The following MBD5 variants were observed in gnomAD, a reference collection of about 807,000 sequenced individuals.
The protein encoded by MBD5 is methyl-CpG-binding domain protein 5.
A neutral mutation model predicts 117.3 loss-of-function variants in MBD5; 13 were observed. The ratio of observed to expected loss-of-function variants is 0.11; its 90% CI spans 0.07 to 0.18. MBD5 has a LOEUF of 0.18. MBD5 is among the 10% of genes least tolerant of loss of function. The pLI is 1.00. For missense variants in MBD5, 1,879 were observed against 2,093.8 expected (o/e 0.90, Z 2.00); for synonymous variants, 727 against 766.4 (o/e 0.95, Z 0.85).
intron 2 of MBD5, among the ~76,000 whole-genome samples, chr2:148,186,694 G>A (rs1346762425): frequency 2.6e-5 from 4 of 152,130 alleles, no homozygotes; most frequent in Non-Finnish European, 5.9e-5. Context: ...GAATAGACAC[G>A]AAGAGCCAGA....
intron 4 of MBD5, among the ~76,000 whole-genome samples, chr2:148,403,169 C>G (rs1704973605): frequency 7.3e-6 from 1 of 137,780 alleles, no homozygotes; most frequent in Non-Finnish European, 1.5e-5. Flanking sequence ...ATTATAATAA[C>G]TATATTAATG....
chr2:148,445,213 T>C (rs1181621722), intron 4 of MBD5, among the ~76,000 whole-genome samples: 1 of 151,310 alleles, frequency 6.6e-6, no homozygotes, highest in African/African-American at 2.5e-5. Context: ...TGTATACATG[T>C]GCCATGTTGG....
intron 2 of MBD5, among the ~76,000 whole-genome samples, chr2:148,213,165 T>A (rs886937478): frequency 6.6e-6 from 1 of 152,194 alleles, no homozygotes; most frequent in African/African-American, 2.4e-5. Context: ...GAAAAAATAA[T>A]GATGAACAAG....
At chr2:148,403,760 G>A (rs987104729) in intron 4 of MBD5, among the ~76,000 whole-genome samples, 1 of 152,006 alleles carries the variant, frequency 6.6e-6, no homozygotes, top group Admixed American at 6.6e-5. Context: ...CTGTATGTGT[G>A]TGTATTTCGT....
At chr2:148,363,662 G>T (rs1020296245) in intron 4 of MBD5, among the ~76,000 whole-genome samples, 1 of 152,090 alleles carries the variant, frequency 6.6e-6, no homozygotes, top group South Asian at 2.1e-4. Flanking sequence ...ATACCTGATG[G>T]AGCTGAAAAA....
intron 3 of MBD5, among the ~76,000 whole-genome samples, chr2:148,304,788 C>T (rs190988347): frequency 2.0e-5 from 3 of 152,112 alleles, no homozygotes; most frequent in South Asian, 2.1e-4. Context: ...GCACGCCGGG[C>T]GCGGTGGCTC....
chr2:148,235,662 G>A lies in MBD5; in HGVS notation c.-680+2267G>A, dbSNP rs73011289. Among the ~76,000 whole-genome samples the A allele has an allele frequency of 5.6e-3, 856 of 152,240 alleles. 11 individuals carry two copies. Among genetic ancestry groups the A allele is most frequent in the African/African-American group, 0.02 (827 of 41,558 alleles). ...GTTCCAGACTACCACAATAAAGCAAGCCATACATTTTTTTCCCAGTGCATA... is the reference window on the plus strand; with the variant it reads ...GTTCCAGACTACCACAATAAAGCAAACCATACATTTTTTTCCCAGTGCATA... On this transcript the variant is annotated intron_variant, in intron 3 of 13. Transcript: ENST00000642680.
At chr2:148,197,673 C>T (rs1020397469) in intron 2 of MBD5, among the ~76,000 whole-genome samples, 10 of 152,114 alleles carry the variant, frequency 6.6e-5, no homozygotes, top group African/African-American at 2.2e-4. Context: ...TTCTTCTGTG[C>T]TTGAACATTT....
At chr2:148,305,198 A>G (rs1427331474) in intron 3 of MBD5, among the ~76,000 whole-genome samples, 1 of 152,224 alleles carries the variant, frequency 6.6e-6, no homozygotes, top group Non-Finnish European at 1.5e-5. Flanking sequence ...TAGACTAAGG[A>G]TGGAGCCCAA....
chr2:148,345,352 CACATATACACATAT>C (rs1474639781), intron 4 of MBD5, among the ~76,000 whole-genome samples: 2 of 145,502 alleles, frequency 1.4e-5, no homozygotes, highest in Non-Finnish European at 3.0e-5. Flanking sequence ...TATACATATA[CACATATACACATAT>C]ACATATACAC....
chr2:148,273,883 G>T (rs1323962198), intron 3 of MBD5, among the ~76,000 whole-genome samples: 2 of 152,154 alleles, frequency 1.3e-5, no homozygotes, highest in Admixed American at 6.6e-5. Flanking sequence ...ATTTTCCTGT[G>T]TCCCTTATTG....
At chr2:148,398,463 T>C (rs961374757) in intron 4 of MBD5, among the ~76,000 whole-genome samples, 4 of 152,196 alleles carry the variant, frequency 2.6e-5, no homozygotes, top group African/African-American at 4.8e-5. Context: ...TTGAGAAGTG[T>C]CTGTTCATAT....
intron 2 of MBD5, among the ~76,000 whole-genome samples, chr2:148,222,623 T>C (rs1699718133): frequency 6.6e-6 from 1 of 152,064 alleles, no homozygotes; most frequent in Non-Finnish European, 1.5e-5. Context: ...GCAACTTTAC[T>C]AAATTTGTTT....
intron 1 of MBD5, among the ~76,000 whole-genome samples, chr2:148,083,995 C>G (rs1695715699): frequency 6.6e-6 from 1 of 152,136 alleles, no homozygotes; most frequent in Admixed American, 6.5e-5. Flanking sequence ...TTCACATTTT[C>G]AATACCAGAA....
intron 3 of MBD5, among the ~76,000 whole-genome samples, chr2:148,338,638 G>T (rs772772051): frequency 1.3e-5 from 2 of 152,168 alleles, no homozygotes; most frequent in Admixed American, 1.3e-4. Flanking sequence ...AGGGAAAGCA[G>T]AGATCATCAT....
At chr2:148,087,006 A>G (rs1695812591) in intron 1 of MBD5, among the ~76,000 whole-genome samples, 1 of 152,210 alleles carries the variant, frequency 6.6e-6, no homozygotes, top group African/African-American at 2.4e-5. Flanking sequence ...AGTTATTAAA[A>G]AAAACTGAGG....
At chr2:148,275,894 T>A (rs1212990689) in intron 3 of MBD5, among the ~76,000 whole-genome samples, 1 of 152,154 alleles carries the variant, frequency 6.6e-6, no homozygotes, top group East Asian at 1.9e-4. Context: ...AATTTGTTAA[T>A]TTTTATTTAA....
At chr2:148,188,467 C>T (rs532874464) in intron 2 of MBD5, among the ~76,000 whole-genome samples, 4 of 152,072 alleles carry the variant, frequency 2.6e-5, no homozygotes, top group African/African-American at 9.7e-5. Flanking sequence ...AGGAGGATCA[C>T]TTGAGTCCAG....
intron 1 of MBD5, among the ~76,000 whole-genome samples, chr2:148,144,867 G>GAAGC (rs1697411474): frequency 6.6e-6 from 1 of 152,172 alleles, no homozygotes; most frequent in South Asian, 2.1e-4. Context: ...AGTATAGTTT[G>GAAGC]AAGCCAGGTA....
Sources: allele counts gnomAD v4.1 joint callset (sites outside exome capture counted in the v4.1 genomes callset), GRCh38; gene constraint gnomAD v4.1.1; transcripts MANE v1.5; gene names NCBI Gene and HGNC (gene_info 2026-07-23, HGNC 2026-07-21).